Variants in ZNF367 observed in about 807,000 individuals in gnomAD.
The protein encoded by ZNF367 is zinc finger protein 367, also known as C2H2 zinc finger protein ZFF29.
ZNF367 carries 11 observed loss-of-function variants against 31.8 expected under a neutral mutation model. The observed-to-expected ratio is 0.35, with a 90% CI of 0.22 to 0.57. The LOEUF is 0.57. Among genes scored for constraint, ZNF367 ranks in the 20% least tolerant of loss-of-function variants. The pLI is 0.85. For missense variants in ZNF367, 353 were observed against 484.1 expected (o/e 0.73, Z 2.54); for synonymous variants, 199 against 202.4 (o/e 0.98, Z 0.14).
At chr9:96,404,443 A>G (rs891410743) in intron 1 of ZNF367, among the ~76,000 whole-genome samples, 1 of 149,992 alleles carries the variant, frequency 6.7e-6, no homozygotes, top group African/African-American at 2.4e-5. Flanking sequence ...AAATAAAAAA[A>G]TTAGCCGGGC....
chr9:96,418,004 G>T lies in ZNF367; in HGVS notation c.29C>A (p.Ala10Glu). The T allele has an allele frequency of 7.1e-7, 1 of 1,399,910 alleles. No homozygotes were observed. The highest frequency in any genetic ancestry group is 3.0e-5 in the East Asian group (1 of 33,752). The allele number at this position is 1,399,910 out of a possible 1,614,324, so 86.7% of individuals were successfully genotyped here. A position where few individuals can be genotyped will look rare whatever the true frequency, so the allele number is the denominator to read the frequency against. Reference protein sequence around the residue: MIRGFEAPMAENPPPPPPPV... With the variant: MIRGFEAPMEENPPPPPPPV... ...CGGCGGCGGCGGCGGCGGGTTCTCC[G>T]CCATGGGCGCCTCGAAGCCCCGGAT... Residue 10 changes from alanine to glutamate, a missense_variant, in exon 1 of 5, where the codon GCG (alanine) becomes GAG (glutamate). By Grantham distance (107) the Ala-to-Glu change is moderately radical. Coordinates refer to ENST00000375256, the MANE Select transcript of ZNF367 (RefSeq NM_153695.4).
chr9:96,408,459 T>C (rs1046300962), intron 1 of ZNF367, among the ~76,000 whole-genome samples: 1 of 152,198 alleles, frequency 6.6e-6, no homozygotes, highest in Non-Finnish European at 1.5e-5. Context: ...AAGATGGAAA[T>C]CCTGCCATAT....
At chr9:96,410,346 G>A (rs1164323611) in intron 1 of ZNF367, among the ~76,000 whole-genome samples, 1 of 151,464 alleles carries the variant, frequency 6.6e-6, no homozygotes, top group Admixed American at 6.6e-5. Flanking sequence ...TGGATCACGC[G>A]GTCAGGAGAT....
At chr9:96,416,864 A>G (rs894817911) in intron 1 of ZNF367, among the ~76,000 whole-genome samples, 2 of 152,172 alleles carry the variant, frequency 1.3e-5, no homozygotes, top group Non-Finnish European at 2.9e-5. Context: ...CACCCCAAAC[A>G]CATGCAGGAC....
intron 1 of ZNF367, among the ~76,000 whole-genome samples, chr9:96,410,200 C>T (rs1831725145): frequency 1.3e-5 from 2 of 149,246 alleles, no homozygotes; most frequent in Non-Finnish European, 3.0e-5. Context: ...GCGGAGGTTG[C>T]AGTGGCCGAG....
At chr9:96,400,144 A>G (rs559833032) in intron 1 of ZNF367, among the ~76,000 whole-genome samples, 2 of 152,202 alleles carry the variant, frequency 1.3e-5, no homozygotes, top group South Asian at 2.1e-4. Flanking sequence ...AAGATTTTAA[A>G]TCAACTGTCT....
rs34868065 is a variant in ZNF367, at chr9:96,390,884, GAAAAAAAAA to G, written c.830+1505_830+1513del. Among the ~76,000 whole-genome samples, 69 of 56,602 alleles carry G rather than the reference GAAAAAAAAA, an allele frequency of 1.2e-3. 1 individual carries two copies. Among genetic ancestry groups the G allele is most frequent in the Non-Finnish European group, 1.9e-3 (59 of 31,626 alleles). The allele number at this position is 56,602 out of a possible 152,430, so 37.1% of individuals were successfully genotyped here. On this transcript the variant is annotated intron_variant, in intron 4 of 4. Coordinates refer to ENST00000375256, the MANE Select transcript of ZNF367 (RefSeq NM_153695.4). Reference sequence around the variant, plus strand: ...TGACAACAGAGTAAGACCCTGTCTCGAAAAAAAAAAAAAAAAAAAAAAAGACAAGGATGA... The same window carrying G: ...TGACAACAGAGTAAGACCCTGTCTCGAAAAAAAAAAAAAAGACAAGGATGA...
chr9:96,417,976 GGGC>G lies in ZNF367; in HGVS notation c.54_56del (p.Pro19del), dbSNP rs553637829. 1,544 of 1,424,722 alleles carry G rather than the reference GGGC, an allele frequency of 1.1e-3. No individual in the cohort carries two copies. The highest frequency in any genetic ancestry group is 4.1e-3 in the South Asian group (289 of 70,658). The allele number at this position is 1,424,722 out of a possible 1,614,324, so 88.3% of individuals were successfully genotyped here. ...TCGGGGAGTCGTGGCAGAAGATGACGGGCGGCGGCGGCGGCGGCGGGTTCTCCG... is the reference window on the plus strand; with the variant it reads ...TCGGGGAGTCGTGGCAGAAGATGACGGGCGGCGGCGGCGGCGGGTTCTCCG... On this transcript the variant is annotated inframe_deletion, in exon 1 of 5. Coordinates refer to ENST00000375256, the MANE Select transcript of ZNF367 (RefSeq NM_153695.4). The surrounding 1 kb of genome is among the most constrained non-coding windows in gnomAD (Gnocchi z 5.0).
chr9:96,411,049 CAT>C (rs1410382446), intron 1 of ZNF367, among the ~76,000 whole-genome samples: 1 of 145,786 alleles, frequency 6.9e-6, no homozygotes, highest in African/African-American at 2.5e-5. Context: ...AAAAAAAAAA[CAT>C]AGCCAGGTGT....
rs1428405929 is a variant in ZNF367, at chr9:96,416,082, T to G, written c.420+1531A>C. Among the ~76,000 whole-genome samples, 357 of 144,386 alleles carry G rather than the reference T, an allele frequency of 2.5e-3. 1 individual carries two copies. The highest frequency in any genetic ancestry group is 9.0e-3 in the African/African-American group (336 of 37,244). 94.7% of individuals were successfully genotyped at this position (144,386 alleles called of 152,430 possible). ...CCAGGCTCTGTTATGGTTTTTTTTT[T>G]TGTTGTTTTTTTTTTTTTTTTTTGA... On this transcript the variant is annotated intron_variant, in intron 1 of 4. Transcript: ENST00000375256.
At position 96,394,950 on chromosome 9, in the gene ZNF367, G is replaced by C; in HGVS notation, c.572-8C>G. The C allele has an allele frequency of 6.2e-7, 1 of 1,613,516 alleles. No individual in the cohort carries two copies. Among genetic ancestry groups the C allele is most frequent in the African/African-American group, 1.3e-5 (1 of 75,008 alleles). On this transcript the variant is annotated splice_region_variant and splice_polypyrimidine_tract_variant and intron_variant, in intron 2 of 4. Coordinates refer to ENST00000375256, the MANE Select transcript of ZNF367 (RefSeq NM_153695.4). The stretch of plus-strand genomic sequence containing the variant: ...ACAGATAGGGCCTCTCACCTAAGTA[G>C]ACAGATGTTAGATATTATATCTGAG...
chr9:96,410,328 G>A (rs1831728385), intron 1 of ZNF367, among the ~76,000 whole-genome samples: 1 of 151,830 alleles, frequency 6.6e-6, no homozygotes, highest in African/African-American at 2.4e-5. Flanking sequence ...TTGGGAGACC[G>A]AGGCGGGTGG....
chr9:96,411,416 G>A (rs972533747), intron 1 of ZNF367, among the ~76,000 whole-genome samples: 1 of 151,590 alleles, frequency 6.6e-6, no homozygotes, highest in Non-Finnish European at 1.5e-5. Context: ...ATATACACCT[G>A]AAGTCCCAGC....
chr9:96,415,889 A>T (rs1041454631), intron 1 of ZNF367, among the ~76,000 whole-genome samples: 10 of 151,762 alleles, frequency 6.6e-5, no homozygotes, highest in Admixed American at 3.3e-4. Flanking sequence ...TGTAGCCTCA[A>T]ACTCCTGGTC....
chr9:96,417,927 TG>T lies in ZNF367; in HGVS notation c.105del (p.Arg36GlyfsTer45). ...DSPKRVLVSV[I>X]RTTPIKPTCG... ...CACGTTGGCTTGATCGGGGTCGTCC[TG>T]ATGACCGACACCAGCACCCGCTTCG... On this transcript the variant is annotated frameshift_variant, in exon 1 of 5. Transcript: ENST00000375256. LOFTEE classifies it high-confidence loss of function. The surrounding 1 kb of genome is among the most constrained non-coding windows in gnomAD (Gnocchi z 5.0). The T allele has an allele frequency of 6.6e-7, 1 of 1,515,008 alleles. No individual in the cohort carries two copies. Among genetic ancestry groups the T allele is most frequent in the Admixed American group, 2.1e-5 (1 of 47,412 alleles). The allele number at this position is 1,515,008 out of a possible 1,614,324, so 93.8% of individuals were successfully genotyped here.
intron 3 of ZNF367, among the ~76,000 whole-genome samples, chr9:96,393,450 G>C (rs890521184): frequency 7.2e-5 from 11 of 152,086 alleles, no homozygotes; most frequent in Non-Finnish European, 1.5e-4. Context: ...GAACTCAGGA[G>C]GCGAAGGTTT....
At chr9:96,404,268 G>C (rs1831643338) in intron 1 of ZNF367, among the ~76,000 whole-genome samples, 1 of 152,046 alleles carries the variant, frequency 6.6e-6, no homozygotes, top group Non-Finnish European at 1.5e-5. Flanking sequence ...AGACCATCCT[G>C]GCTAACACGA....
intron 1 of ZNF367, among the ~76,000 whole-genome samples, chr9:96,414,115 C>T (rs188972601): frequency 1.4e-4 from 21 of 152,260 alleles, no homozygotes; most frequent in Admixed American, 1.4e-3. Context: ...GTGTACTGAC[C>T]ACAAATCAAA....
chr9:96,404,198 C>G (rs1292690194), intron 1 of ZNF367, among the ~76,000 whole-genome samples: 1 of 150,522 alleles, frequency 6.6e-6, no homozygotes, highest in African/African-American at 2.4e-5. Flanking sequence ...CGGTGGCTCA[C>G]GCCTGTAATC....
Sources: gnomAD v4.1 joint callset for allele counts (sites outside exome capture counted in the v4.1 genomes callset) on GRCh38, gnomAD v4.1.1 for gene constraint, Gnocchi (gnomAD v3.1) non-coding constraint, MANE v1.5 for transcripts, NCBI Gene and HGNC (gene_info 2026-07-23, HGNC 2026-07-21) for gene names.